MAP4K3: variants seen among roughly 807,000 people sequenced by gnomAD.
MAP4K3 encodes the protein mitogen-activated protein kinase kinase kinase kinase 3.
A neutral mutation model predicts 143.5 loss-of-function variants in MAP4K3; 94 were observed. The observed-to-expected ratio is 0.65, with a 90% CI of 0.55 to 0.78. MAP4K3 has a LOEUF of 0.78. Among genes scored for constraint, MAP4K3 ranks in the 30% least tolerant of loss-of-function variants. The pLI, the probability that MAP4K3 is intolerant of heterozygous loss-of-function variation, is 0.00. For missense variants in MAP4K3, 1,077 were observed against 1,068.1 expected, an observed-to-expected ratio of 1.01 and a Z score of -0.12; for synonymous variants, 416 against 347.2, an observed-to-expected ratio of 1.20 and a Z score of -2.20.
intron 12 of MAP4K3, among the ~76,000 whole-genome samples, chr2:39,316,459 C>A (rs1683115545): frequency 6.6e-6 from 1 of 152,116 alleles, no homozygotes; most frequent in Non-Finnish European, 1.5e-5. Context: ...CAGAGGTGAA[C>A]TGGAGACTTG....
chr2:39,393,091 G>A (rs967991570), intron 1 of MAP4K3, among the ~76,000 whole-genome samples: 2 of 152,184 alleles, frequency 1.3e-5, no homozygotes, highest in Non-Finnish European at 2.9e-5. Flanking sequence ...CAGGCTGTTA[G>A]TGGTTATTTC....
chr2:39,292,855 T>G (rs1316098453), intron 17 of MAP4K3, 29 bp from the exon 18 acceptor site: 1 of 1,579,164 alleles, frequency 6.3e-7, no homozygotes, highest in Admixed American at 1.7e-5. Flanking sequence ...GTCATTGTTA[T>G]TAAATGGATT....
Position 39,395,328 on chromosome 2 carries a change from TACACACAC to T in MAP4K3, c.97-17213_97-17206del, listed in dbSNP as rs10549757. 4.0e-4 allele frequency among the ~76,000 whole-genome samples: 60 copies of T among 149,776 alleles called. 1 individual carries two copies. The highest frequency in any genetic ancestry group is 3.4e-3 in the Middle Eastern group (1 of 294). Reference sequence around the variant, plus strand: ...CAAACAACCTACATGCACGTACACATACACACACACACACACACACACACACACACATT... The same window carrying T: ...CAAACAACCTACATGCACGTACACATACACACACACACACACACACACATT... On this transcript the variant is annotated intron_variant, in intron 1 of 33. Transcript: ENST00000263881.
intron 24 of MAP4K3, among the ~76,000 whole-genome samples, chr2:39,273,643 G>A (rs187324625): frequency 6.6e-6 from 1 of 152,244 alleles, no homozygotes; most frequent in Admixed American, 6.5e-5. Context: ...AATAATAAAA[G>A]GGAGGAGAAA....
At chr2:39,374,330 T>C (rs1666161193) in intron 2 of MAP4K3, among the ~76,000 whole-genome samples, 1 of 152,014 alleles carries the variant, frequency 6.6e-6, no homozygotes, top group Non-Finnish European at 1.5e-5. Flanking sequence ...ATCACACCAC[T>C]GCCTGGGTGA....
At chr2:39,314,293 G>C (rs1372668788) in intron 13 of MAP4K3, among the ~76,000 whole-genome samples, 1 of 152,160 alleles carries the variant, frequency 6.6e-6, no homozygotes, top group Non-Finnish European at 1.5e-5. Flanking sequence ...GCCTCCCAAA[G>C]TGCTGGGATT....
intron 3 of MAP4K3, among the ~76,000 whole-genome samples, chr2:39,354,313 A>G (rs1220735424): frequency 6.6e-6 from 1 of 152,144 alleles, no homozygotes; most frequent in African/African-American, 2.4e-5. Context: ...GTGTGGTGGC[A>G]GGAGCCTGTA....
intron 2 of MAP4K3, among the ~76,000 whole-genome samples, chr2:39,356,672 C>A (rs1259154243): frequency 6.6e-6 from 1 of 151,998 alleles, no homozygotes; most frequent in African/African-American, 2.4e-5. Flanking sequence ...ATAATAATAG[C>A]CTATCTCATA....
intron 6 of MAP4K3, among the ~76,000 whole-genome samples, chr2:39,335,210 T>C (rs75542036): frequency 0.03 from 4,567 of 152,114 alleles, 105 homozygotes; most frequent in Middle Eastern, 0.048. Flanking sequence ...CTGAGTACAA[T>C]GGGAAAGCAA....
At chr2:39,426,276 A>T (rs1488173891) in intron 1 of MAP4K3, among the ~76,000 whole-genome samples, 1 of 152,174 alleles carries the variant, frequency 6.6e-6, no homozygotes, top group Admixed American at 6.5e-5. Context: ...CTAAAAGACA[A>T]AGGCTGAAAA....
chr2:39,338,770 G>A (rs1406891984), intron 4 of MAP4K3, among the ~76,000 whole-genome samples: 2 of 152,288 alleles, frequency 1.3e-5, no homozygotes, highest in East Asian at 3.9e-4. Context: ...CTTAATAAAA[G>A]AGACTTCAAG....
At chr2:39,362,727 G>A (rs1025999777) in intron 2 of MAP4K3, among the ~76,000 whole-genome samples, 2 of 152,002 alleles carry the variant, frequency 1.3e-5, no homozygotes, top group African/African-American at 2.4e-5. Context: ...CACAAAGAAC[G>A]CCAAATAGCC....
chr2:39,341,050 G>A (rs1665125716), intron 4 of MAP4K3, among the ~76,000 whole-genome samples: 1 of 152,158 alleles, frequency 6.6e-6, no homozygotes, highest in African/African-American at 2.4e-5. Flanking sequence ...TGATAAAAGA[G>A]CAAAATTCAC....
intron 8 of MAP4K3, among the ~76,000 whole-genome samples, chr2:39,329,764 T>C (rs1041940105): frequency 4.6e-5 from 7 of 152,168 alleles, no homozygotes; most frequent in Non-Finnish European, 8.8e-5. Flanking sequence ...GAAGTACGTA[T>C]ATAGAACAAT....
At chr2:39,349,257 T>A (rs1665381985) in intron 3 of MAP4K3, among the ~76,000 whole-genome samples, 2 of 152,220 alleles carry the variant, frequency 1.3e-5, no homozygotes, top group African/African-American at 4.8e-5. Context: ...AGAAAATTTT[T>A]AAACTTTTTT....
chr2:39,296,210 C>T (rs906241373), intron 16 of MAP4K3, among the ~76,000 whole-genome samples: 11 of 152,200 alleles, frequency 7.2e-5, no homozygotes, highest in South Asian at 6.2e-4. Context: ...AGAATTAATA[C>T]GGTCTTAATG....
intron 1 of MAP4K3, among the ~76,000 whole-genome samples, chr2:39,391,417 T>C (rs1666656251): frequency 6.9e-6 from 1 of 145,756 alleles, no homozygotes; most frequent in Non-Finnish European, 1.5e-5. Context: ...ACTCTCCTCC[T>C]AGAGATCAAC....
At chr2:39,436,820 G>T in intron 1 of MAP4K3, 72 bp downstream of exon 1, 1 of 1,354,742 alleles carries the variant, frequency 7.4e-7, no homozygotes, top group Admixed American at 1.9e-5. Flanking sequence ...CAGGCGGCAA[G>T]GGCTCGGACG....
At position 39,272,841 on chromosome 2, in the gene MAP4K3, CA is replaced by C. The variant is rs141236972; in HGVS notation, c.1795-300del. ...ACTATGCAGGGAATAACAACATTTT[CA>C]AACAACATCTATTCCTTTATTTTGG... On this transcript the variant is annotated intron_variant, in intron 24 of 33. Coordinates refer to ENST00000263881, the MANE Select transcript of MAP4K3 (RefSeq NM_003618.4). Among the ~76,000 whole-genome samples, 256 of 152,192 alleles carry C rather than the reference CA, an allele frequency of 1.7e-3. 6 individuals are homozygous for C. The East Asian group carries it at 0.024, about 14-fold the overall frequency.
Sources: gnomAD v4.1 joint callset for allele counts (sites outside exome capture counted in the v4.1 genomes callset) on GRCh38, gnomAD v4.1.1 for gene constraint, MANE v1.5 for transcripts, NCBI Gene and HGNC (gene_info 2026-07-23, HGNC 2026-07-21) for gene names.